Variants in TMEM63B observed in about 807,000 individuals in gnomAD.
The protein encoded by TMEM63B is mechanosensitive cation channel TMEM63B.
In TMEM63B, 23 loss-of-function variants were observed where a neutral mutation model predicts 102.6. The observed-to-expected ratio is 0.22, with a 90% CI of 0.16 to 0.32. TMEM63B has a LOEUF of 0.32. TMEM63B is among the 10% of genes least tolerant of loss of function. TMEM63B has a pLI of 1.00. For synonymous variants in TMEM63B, 444 were observed against 437.0 expected, an observed-to-expected ratio of 1.02 and a Z score of -0.20; for missense variants, 628 against 1,095.9, an observed-to-expected ratio of 0.57 and a Z score of 6.03.
At chr6:44,127,415 C>T (rs1777324730), upstream of TMEM63B, 1 of 152,298 alleles carries the variant, frequency 6.6e-6, no homozygotes, top group South Asian at 2.1e-4. Context: ...CACGCGGCCT[C>T]TTCCTAGCGC....
At position 44,147,034 on chromosome 6, in the gene TMEM63B, T is replaced by TA. The variant is rs1765559143; in HGVS notation, c.863+107_863+108insA. 20 of 1,219,700 alleles carry TA rather than the reference T, an allele frequency of 1.6e-5. 1 individual carries two copies. In the South Asian group the frequency reaches 2.5e-4, roughly 15 times the overall value. 75.6% of individuals were successfully genotyped at this position (1,219,700 alleles called of 1,614,324 possible). On this transcript the variant is annotated intron_variant, in intron 11 of 23. Transcript: ENST00000323267. ...CCTTCTAGATTTTTTCCTAGGGCAT[T>TA]TGATTTTAATTCAACTCGTTGGTGT... is the stretch of plus-strand genomic sequence containing the variant.
rs1434260997 is a variant in TMEM63B, at chr6:44,152,358, C to T, written c.1837-235C>T. Among the ~76,000 whole-genome samples the T allele has an allele frequency of 1.3e-5, 2 of 151,986 alleles. No homozygotes were observed. The highest frequency in any genetic ancestry group is 4.8e-5 in the African/African-American group (2 of 41,358). On this transcript the variant is annotated intron_variant, in intron 19 of 23. Coordinates refer to ENST00000323267, the MANE Select transcript of TMEM63B (RefSeq NM_018426.3). This position sits in a 1 kb window ranked among gnomAD's most constrained non-coding sequence, Gnocchi z 6.4. The stretch of plus-strand genomic sequence containing the variant: ...CTCTTGCCCCCTACCTGCCAGGCCC[C>T]GACCCTTGAAGGCCCCTCTCCGTGC...
chr6:44,134,507 G>T, intron 1 of TMEM63B, 54 bp from the exon 2 acceptor site: 1 of 1,559,030 alleles, frequency 6.4e-7, no homozygotes. Flanking sequence ...CCACCCTACT[G>T]GGCCATGAAG....
Position 44,148,961 on chromosome 6 carries a change from C to T in TMEM63B, c.1413+16C>T, listed in dbSNP as rs757023591. ...GTACCTCAACGTGAGGCCTCATGCCCCTGTCACTTTCCACGCTGGGTCACA... is the reference window on the plus strand; with the variant it reads ...GTACCTCAACGTGAGGCCTCATGCCTCTGTCACTTTCCACGCTGGGTCACA... On this transcript the variant is annotated intron_variant, in intron 15 of 23. Coordinates refer to ENST00000323267, the MANE Select transcript of TMEM63B (RefSeq NM_018426.3). The surrounding 1 kb of genome is among the most constrained non-coding windows in gnomAD (Gnocchi z 5.1). 6.2e-7 allele frequency: 1 copy of T among 1,614,070 alleles called. No individual in the cohort carries two copies. The highest frequency in any genetic ancestry group is 1.7e-5 in the Admixed American group (1 of 60,016).
chr6:44,129,607 G>A (rs1369249014), intron 1 of TMEM63B, among the ~76,000 whole-genome samples: 1 of 152,150 alleles, frequency 6.6e-6, no homozygotes, highest in Non-Finnish European at 1.5e-5. Flanking sequence ...AATATTCCCT[G>A]TCACTCAGTG....
At chr6:44,132,483 G>A (rs1474929442) in intron 1 of TMEM63B, among the ~76,000 whole-genome samples, 1 of 152,160 alleles carries the variant, frequency 6.6e-6, no homozygotes, top group African/African-American at 2.4e-5. Context: ...AAACAGGCAA[G>A]GGGTGGGAAT....
intron 18 of TMEM63B, among the ~76,000 whole-genome samples, chr6:44,151,608 TGGTCTTGAGCACTCTCTCCATG>T (rs1766637488): frequency 6.6e-6 from 1 of 151,982 alleles, no homozygotes; most frequent in South Asian, 2.1e-4. Context: ...CAGCCTTAGG[TGGTCTTGAGCACTCTCTCCATG>T]GGTCTTTATG....
At chr6:44,149,467 AATAG>A (rs889240107) in intron 15 of TMEM63B, among the ~76,000 whole-genome samples, 1 of 152,186 alleles carries the variant, frequency 6.6e-6, no homozygotes, top group African/African-American at 2.4e-5. Context: ...ATAATACCAT[AATAG>A]ATAAGACCCA....
chr6:44,137,721 CAG>C (rs1403053683), intron 5 of TMEM63B, among the ~76,000 whole-genome samples: 2 of 150,490 alleles, frequency 1.3e-5, no homozygotes, highest in Admixed American at 6.6e-5. Flanking sequence ...TTCCCTGAGA[CAG>C]AGTCTTGCTC....
At chr6:44,140,606 C>A in intron 9 of TMEM63B, 2 of 614,842 alleles carry the variant, frequency 3.3e-6, no homozygotes, top group Non-Finnish European at 3.0e-6. Flanking sequence ...GTGCTGTGCC[C>A]AGCACTTGGG....
chr6:44,154,135 C>T lies in TMEM63B; in HGVS notation c.2173C>T (p.Leu725Phe), dbSNP rs375644555. 3.1e-6 allele frequency: 5 copies of T among 1,614,172 alleles called. No individual in the cohort carries two copies. The highest frequency in any genetic ancestry group is 8.5e-7 in the Non-Finnish European group (1 of 1,180,006). Residue 725 changes from leucine to phenylalanine, a missense_variant, in exon 22 of 24, where the codon CTC (leucine) becomes TTC (phenylalanine). By Grantham distance (22) the Leu-to-Phe change is conservative. This residue lies in a region of TMEM63B where 129 missense variants were observed against 153.5 expected (regional missense o/e 0.84). Transcript: ENST00000323267. Reference sequence around the variant, plus strand: ...CCTGGTCATCACCATCGTCATCTGTCTCTGCCACGTCTGCTTTGGACACTT... The same window carrying T: ...CCTGGTCATCACCATCGTCATCTGTTTCTGCCACGTCTGCTTTGGACACTT... ...VVLVITIVIC[L>F]CHVCFGHFKY...
In TMEM63B at chr6:44,154,975, C is replaced by A; in HGVS notation, c.*92C>A. ...CGCTAATAATTTATTAGATCTAAAG[C>A]CCCTTCCTCCCCAGCCCCTGCTTTC... On this transcript the variant is annotated 3_prime_UTR_variant, in exon 24 of 24. Transcript: ENST00000323267. 1.7e-6 allele frequency: 2 copies of A among 1,184,428 alleles called. No individual in the cohort carries two copies. The highest frequency in any genetic ancestry group is 2.3e-6 in the Non-Finnish European group (2 of 875,198). The allele number at this position is 1,184,428 out of a possible 1,614,324, so 73.4% of individuals were successfully genotyped here.
chr6:44,151,110 CT>C (rs370515604), intron 18 of TMEM63B, among the ~76,000 whole-genome samples: 27 of 152,152 alleles, frequency 1.8e-4, no homozygotes, highest in Non-Finnish European at 3.5e-4. Flanking sequence ...GGCTCTTGAC[CT>C]TATAACTCTG....
intron 10 of TMEM63B, 106 bp downstream of exon 10, chr6:44,141,204 G>A: frequency 8.8e-7 from 1 of 1,141,516 alleles, no homozygotes; most frequent in Non-Finnish European, 1.2e-6. Context: ...TCTGCCGTGG[G>A]TGGGATAGAG....
Position 44,154,145 on chromosome 6 carries a change from T to A in TMEM63B, c.2183T>A (p.Val728Asp). 6.2e-7 allele frequency: 1 copy of A among 1,614,120 alleles called. No individual in the cohort carries two copies. The highest frequency in any genetic ancestry group is 8.5e-7 in the Non-Finnish European group (1 of 1,179,982). ...ACCATCGTCATCTGTCTCTGCCACGTCTGCTTTGGACACTTCAAATACCTC... is the reference window on the plus strand; with the variant it reads ...ACCATCGTCATCTGTCTCTGCCACGACTGCTTTGGACACTTCAAATACCTC... ...VITIVICLCH[V>D]CFGHFKYLSA... The change falls in exon 22 of 24, where the codon GTC (valine) becomes GAC (aspartate). Residue 728 changes from valine to aspartate, a missense_variant. Coordinates refer to ENST00000323267, the MANE Select transcript of TMEM63B (RefSeq NM_018426.3).
intron 15 of TMEM63B, 175 bp downstream of exon 15, chr6:44,149,120 C>G (rs1263782537): frequency 1.1e-6 from 1 of 933,086 alleles, no homozygotes; most frequent in East Asian, 2.6e-5. Flanking sequence ...GCCACCTTCC[C>G]CCTGAGAGAG....
rs772184341 is a variant in TMEM63B, at chr6:44,154,058, G to C, written c.2111-15G>C. 1.2e-6 allele frequency: 2 copies of C among 1,612,672 alleles called. No homozygotes were observed. Among genetic ancestry groups the C allele is most frequent in the South Asian group, 2.2e-5 (2 of 91,062 alleles). ...ACAGGAGATAGCAACCCCATTCTTTGCCCCCCAACACCAGGGTTCCTAGCT... is the reference window on the plus strand; with the variant it reads ...ACAGGAGATAGCAACCCCATTCTTTCCCCCCCAACACCAGGGTTCCTAGCT... On this transcript the variant is annotated splice_polypyrimidine_tract_variant and intron_variant, in intron 21 of 23. Coordinates refer to ENST00000323267, the MANE Select transcript of TMEM63B (RefSeq NM_018426.3).
At chr6:44,144,558 C>T (rs1379132356) in intron 10 of TMEM63B, among the ~76,000 whole-genome samples, 1 of 151,788 alleles carries the variant, frequency 6.6e-6, no homozygotes, top group African/African-American at 2.4e-5. Context: ...GTAACTCATG[C>T]ATTCAATACT....
chr6:44,149,791 G>A, intron 15 of TMEM63B, 68 bp from the exon 16 acceptor site: 1 of 1,267,252 alleles, frequency 7.9e-7, no homozygotes, highest in South Asian at 1.3e-5. Context: ...TGGGGAGGAG[G>A]CACATAAGCA....
Sources: allele counts gnomAD v4.1 joint callset (sites outside exome capture counted in the v4.1 genomes callset), GRCh38; gene constraint gnomAD v4.1.1; regional missense constraint gnomAD v4.1.1; non-coding constraint Gnocchi (gnomAD v3.1); transcripts MANE v1.5; gene names NCBI Gene and HGNC (gene_info 2026-07-23, HGNC 2026-07-21).